GBP6: variants seen among roughly 807,000 people sequenced by gnomAD.
The protein encoded by GBP6 is guanylate binding protein family member 6.
A neutral mutation model predicts 61.5 loss-of-function variants in GBP6; 54 were observed. The ratio of observed to expected loss-of-function variants is 0.88; its 90% CI spans 0.71 to 1.10. The LOEUF (loss-of-function observed/expected upper bound fraction) is 1.10. GBP6 is among the 50% of genes least tolerant of loss of function. The pLI, the probability that GBP6 is intolerant of heterozygous loss-of-function variation, is 0.00. For synonymous variants in GBP6, 255 were observed against 273.7 expected, an observed-to-expected ratio of 0.93 and a Z score of 0.67; for missense variants, 748 against 752.8, an observed-to-expected ratio of 0.99 and a Z score of 0.07.
Position 89,381,758 on chromosome 1 carries a change from G to A in GBP6, c.936G>A (p.Glu312=). The change falls in exon 7 of 11, where the codon GAG becomes GAA. Residue 312 remains glutamate (E), a synonymous_variant. Transcript: ENST00000370456. Reference sequence around the variant, plus strand: ...ACAGTGGAGCAGTGCCTTGTCTGGAGAATGCAGTGATAACTCTGGCCCAGC... The same window carrying A: ...ACAGTGGAGCAGTGCCTTGTCTGGAAAATGCAGTGATAACTCTGGCCCAGC... ...AINSGAVPCL[E]NAVITLAQRE... is the part of the protein sequence containing the mutation. The A allele has an allele frequency of 6.2e-7, 1 of 1,614,166 alleles. No individual in the cohort carries two copies. Among genetic ancestry groups the A allele is most frequent in the Middle Eastern group, 1.6e-4 (1 of 6,062 alleles).
At position 89,387,305 on chromosome 1, in the gene GBP6, A is replaced by G. The variant is rs753181656; in HGVS notation, c.*1836A>G. On this transcript the variant is annotated 3_prime_UTR_variant, in exon 11 of 11. Transcript: ENST00000370456. ...GATCCAAGTTGCCCATGGTACCTAG[A>G]TCATGGAGAGTCATCGTAAAATGCC... 6.6e-6 allele frequency among the ~76,000 whole-genome samples: 1 copy of G among 152,226 alleles called. No individual in the cohort carries two copies. Among genetic ancestry groups the G allele is most frequent in the Non-Finnish European group, 1.5e-5 (1 of 68,034 alleles).
chr1:89,373,658 C>T (rs1482903783), intron 3 of GBP6, among the ~76,000 whole-genome samples: 1 of 151,934 alleles, frequency 6.6e-6, no homozygotes, highest in Non-Finnish European at 1.5e-5. Context: ...CACACCAGGG[C>T]CTGTCGTGAG....
At chr1:89,374,439 T>C (rs551299971) in intron 3 of GBP6, among the ~76,000 whole-genome samples, 9 of 152,258 alleles carry the variant, frequency 5.9e-5, no homozygotes, top group Admixed American at 5.9e-4. Context: ...TTCATTTGGA[T>C]TTATACATAA....
At chr1:89,383,956 C>T in intron 9 of GBP6, 137 bp from the exon 10 acceptor site, 1 of 931,744 alleles carries the variant, frequency 1.1e-6, no homozygotes, top group East Asian at 2.6e-5. Context: ...CTCAAATGCG[C>T]TCTTAATGGT....
intron 3 of GBP6, among the ~76,000 whole-genome samples, chr1:89,373,395 G>A (rs1652701123): frequency 6.6e-6 from 1 of 152,190 alleles, no homozygotes. Context: ...ATTCACAGTA[G>A]CAAAGACTTG....
chr1:89,385,211 C>T lies in GBP6; in HGVS notation c.1663-19C>T, dbSNP rs1653099838. On this transcript the variant is annotated intron_variant, in intron 10 of 10. Coordinates refer to ENST00000370456, the MANE Select transcript of GBP6 (RefSeq NM_198460.3). ...TAGGGATTTTTAAAAATTTACTTTC[C>T]TTCCTACATTGTCTTTAGGTCCAAA... The T allele has an allele frequency of 6.3e-7, 1 of 1,594,170 alleles. No individual in the cohort carries two copies. The highest frequency in any genetic ancestry group is 1.1e-5 in the South Asian group (1 of 88,158).
chr1:89,381,877 T>G lies in GBP6; in HGVS notation c.1055T>G (p.Leu352Arg), dbSNP rs1652990375. The G allele has an allele frequency of 6.2e-7, 1 of 1,614,004 alleles. No individual in the cohort carries two copies. The highest frequency in any genetic ancestry group is 8.5e-7 in the Non-Finnish European group (1 of 1,179,982). Residue 352 changes from leucine (L) to arginine (R), a missense_variant, in exon 7 of 11, where the codon CTG (leucine) becomes CGG (arginine). By Grantham distance (102) the Leu-to-Arg change is moderately radical. Transcript: ENST00000370456. The stretch of plus-strand genomic sequence containing the variant: ...CTCCCCACAGACACGCTCCAGGAGC[T>G]GCTGGACATGCATGCGGCCTGTGAG... ...VKLPTDTLQE[L>R]LDMHAACERE... is the part of the protein sequence containing the mutation.
In GBP6 at chr1:89,370,197, A is replaced by G. The variant is rs192352402; in HGVS notation, c.318+524A>G. On this transcript the variant is annotated intron_variant, in intron 3 of 10. Coordinates refer to ENST00000370456, the MANE Select transcript of GBP6 (RefSeq NM_198460.3). The stretch of plus-strand genomic sequence containing the variant: ...TCTGCCCTGGAAAACTTTCTCATTA[A>G]GAGAGCTGACACCTGTGATCCAGGC... 2.6e-3 allele frequency among the ~76,000 whole-genome samples: 391 copies of G among 152,310 alleles called. 5 individuals are homozygous for G. Among genetic ancestry groups the G allele is most frequent in the East Asian group, 4.8e-3 (25 of 5,186 alleles).
chr1:89,369,394 A>G, intron 2 of GBP6, 152 bp from the exon 3 acceptor site: 1 of 881,532 alleles, frequency 1.1e-6, no homozygotes, highest in Non-Finnish European at 1.6e-6. Context: ...TTTTATATAG[A>G]TTATTCACAA....
intron 3 of GBP6, among the ~76,000 whole-genome samples, chr1:89,370,450 T>C (rs780623714): frequency 2.6e-5 from 4 of 152,194 alleles, no homozygotes; most frequent in Admixed American, 6.5e-5. Flanking sequence ...CTTTGAGACA[T>C]TTCTGATTGT....
Position 89,387,826 on chromosome 1 carries a change from A to G in GBP6, c.*2357A>G, listed in dbSNP as rs760471876. 9.9e-5 allele frequency among the ~76,000 whole-genome samples: 15 copies of G among 152,234 alleles called. No individual in the cohort carries two copies. Among genetic ancestry groups the G allele is most frequent in the Non-Finnish European group, 2.2e-4 (15 of 68,046 alleles). On this transcript the variant is annotated 3_prime_UTR_variant, in exon 11 of 11. Transcript: ENST00000370456. ...CACACGCCTGTCATGCCAGCTACAC[A>G]GGAGGATGAGGCAGGAAAATCACTT... is the stretch of plus-strand genomic sequence containing the variant.
chr1:89,378,638 G>T, intron 5 of GBP6, 25 bp downstream of exon 5: 1 of 1,582,600 alleles, frequency 6.3e-7, no homozygotes, highest in African/African-American at 1.3e-5. Flanking sequence ...CCTGGGCTGT[G>T]GGTGGTCCAC....
At position 89,381,739 on chromosome 1, in the gene GBP6, G is replaced by C. The variant is rs1652984287; in HGVS notation, c.917G>C (p.Gly306Ala). 1.9e-6 allele frequency: 3 copies of C among 1,614,126 alleles called. No homozygotes were observed. In the East Asian group the frequency reaches 6.7e-5, roughly 36 times the overall value. The change falls in exon 7 of 11, where the codon GGA (glycine) becomes GCA (alanine). Residue 306 changes from glycine (G) to alanine (A), a missense_variant. By Grantham distance (60) the Gly-to-Ala change is moderately conservative (BLOSUM62 0). Coordinates refer to ENST00000370456, the MANE Select transcript of GBP6 (RefSeq NM_198460.3). ...AVTYVEAINS[G>A]AVPCLENAVI... ...ACTTATGTAGAGGCCATCAACAGTG[G>C]AGCAGTGCCTTGTCTGGAGAATGCA...
At position 89,367,766 on chromosome 1, in the gene GBP6, C is replaced by G. The variant is rs191147558; in HGVS notation, c.-23-763C>G. On this transcript the variant is annotated intron_variant, in intron 1 of 10. Transcript: ENST00000370456. ...AATCCAAGGTAGGCAGAACAGAAAC[C>G]AGAACAGGTAGCTCCCAGTCAGGTT... is the stretch of plus-strand genomic sequence containing the variant. Among the ~76,000 whole-genome samples the G allele has an allele frequency of 2.5e-3, 383 of 152,136 alleles. 1 individual carries two copies. The highest frequency in any genetic ancestry group is 9.0e-3 in the African/African-American group (372 of 41,472).
In GBP6 at chr1:89,381,771, A is replaced by C. The variant is rs1450968627; in HGVS notation, c.949A>C (p.Thr317Pro). 6.2e-7 allele frequency: 1 copy of C among 1,613,864 alleles called. No homozygotes were observed. Among genetic ancestry groups the C allele is most frequent in the Non-Finnish European group, 8.5e-7 (1 of 1,179,998 alleles). ...AVPCLENAVI[T>P]LAQRENSAAV... ...GCCTTGTCTGGAGAATGCAGTGATA[A>C]CTCTGGCCCAGCGTGAGAACTCAGC... The change falls in exon 7 of 11, where the codon ACT becomes CCT. Residue 317 changes from threonine (T) to proline (P), a missense_variant. Transcript: ENST00000370456.
intron 2 of GBP6, 100 bp from the exon 3 acceptor site, chr1:89,369,446 A>T: frequency 2.2e-6 from 3 of 1,364,270 alleles, no homozygotes; most frequent in Non-Finnish European, 3.0e-6. Context: ...ACCATCATGT[A>T]TGTTGGGGTA....
chr1:89,374,327 A>C (rs923300682), intron 3 of GBP6, among the ~76,000 whole-genome samples: 7 of 152,176 alleles, frequency 4.6e-5, no homozygotes, highest in Non-Finnish European at 7.4e-5. Context: ...ATTGTGAATA[A>C]TGCTGCAATT....
At chr1:89,377,711 T>C (rs1652844590) in intron 3 of GBP6, among the ~76,000 whole-genome samples, 8 of 152,334 alleles carry the variant, frequency 5.3e-5, no homozygotes, top group Admixed American at 4.6e-4. Context: ...CTGAATTTAA[T>C]TGAATATAAT....
intron 3 of GBP6, 58 bp from the exon 4 acceptor site, chr1:89,378,045 T>A: frequency 6.9e-7 from 1 of 1,442,882 alleles, no homozygotes; most frequent in African/African-American, 1.4e-5. Context: ...AAAATAAATG[T>A]CTCAGTGAAT....
Sources: gnomAD v4.1 joint callset for allele counts (sites outside exome capture counted in the v4.1 genomes callset) on GRCh38, gnomAD v4.1.1 for gene constraint, MANE v1.5 for transcripts, NCBI Gene and HGNC (gene_info 2026-07-23, HGNC 2026-07-21) for gene names.